Variants in PRCD observed in about 807,000 individuals in gnomAD.
PRCD encodes photoreceptor disk component PRCD.
Under a neutral mutation model 10.1 loss-of-function variants are expected in PRCD, and 12 were observed. That is an observed-to-expected ratio of 1.18 (90% CI 0.76 to 1.92). The LOEUF is 1.92. Among genes scored for constraint, PRCD ranks in the 40% most tolerant of loss-of-function variants. The pLI is 0.00. For synonymous variants in PRCD, 31 were observed against 26.2 expected (o/e 1.18, Z -0.56); for missense variants, 61 against 72.2 (o/e 0.84, Z 0.56).
chr17:76,537,331 A>AGCCCTCCTCTGCCCGGAGCCGCTGCC, upstream of PRCD: 1 of 1,461,744 alleles, frequency 6.8e-7, no homozygotes. Flanking sequence ...ACCCGGGCCC[A>AGCCCTCCTCTGCCCGGAGCCGCTGCC]GCCCTCCTCT....
At chr17:76,529,271 G>A (rs891231934) in intron 1 of PRCD, 3 of 985,316 alleles carry the variant, frequency 3.0e-6, no homozygotes, top group African/African-American at 3.5e-5. Flanking sequence ...GCTAGAGGGT[G>A]TAAAGGGATG....
At position 76,528,692 on chromosome 17, in the gene PRCD, G is replaced by C. The variant is rs755703427; in HGVS notation, n.45+859G>C. ...TCGGGGGAAAGGGGGAGGACCTGGG[G>C]CTGGCGAGGCTCACTTCCTGCCAAG... On this transcript the variant is annotated intron_variant and non_coding_transcript_variant, in intron 1 of 4. Transcript: ENST00000397633. This position sits in a 1 kb window ranked among gnomAD's most constrained non-coding sequence, Gnocchi z 5.8. 124 of 1,200,372 alleles carry C rather than the reference G, an allele frequency of 1.0e-4. No individual in the cohort carries two copies. Among genetic ancestry groups the C allele is most frequent in the Non-Finnish European group, 1.3e-4 (121 of 944,132 alleles). 74.4% of individuals were successfully genotyped at this position (1,200,372 alleles called of 1,614,324 possible).
intron 1 of PRCD, chr17:76,529,781 A>G: frequency 1.0e-6 from 1 of 985,272 alleles, no homozygotes; most frequent in African/African-American, 1.7e-5. Flanking sequence ...TGGTGGGCCA[A>G]CATCTGCTTG....
intron 1 of PRCD, chr17:76,529,269 G>A: frequency 1.0e-6 from 1 of 985,442 alleles, no homozygotes; most frequent in South Asian, 4.7e-5. Flanking sequence ...GGGCTAGAGG[G>A]TGTAAAGGGA....
Position 76,540,254 on chromosome 17 carries a change from GGGGGGGGGGCATGGGGC to G in PRCD, c.74+40_74+56del. 1.1e-6 allele frequency: 1 copy of G among 887,860 alleles called. No individual in the cohort carries two copies. The highest frequency in any genetic ancestry group is 1.7e-6 in the Non-Finnish European group (1 of 589,568). The allele number at this position is 887,860 out of a possible 1,614,324, so 55.0% of individuals were successfully genotyped here. On this transcript the variant is annotated intron_variant, in intron 1 of 4. Coordinates refer to ENST00000592014, the MANE Select transcript of PRCD (RefSeq NM_001077620.3). This position sits in a 1 kb window ranked among gnomAD's most constrained non-coding sequence, Gnocchi z 5.0. ...CGGGCTATGGCTGGCGGTTGGTCGG[GGGGGGGGGGCATGGGGC>G]TGGGCTGCCACCAAGCTGAAGGTGG...
chr17:76,537,190 T>C (rs1323318053), upstream of PRCD, among the ~76,000 whole-genome samples: 1 of 152,206 alleles, frequency 6.6e-6, no homozygotes, highest in Non-Finnish European at 1.5e-5. Context: ...TCCTAGATCC[T>C]GGTGAACACC....
In PRCD at chr17:76,540,068, G is replaced by C; in HGVS notation, c.-74G>C. ...CAGACGGCAGTGGCTCCTGAGAGCT[G>C]GCTGGGGCCATTTTGGCCCCTCGCC... On this transcript the variant is annotated 5_prime_UTR_variant, in exon 1 of 5. Coordinates refer to ENST00000592014, the MANE Select transcript of PRCD (RefSeq NM_001077620.3). This position sits in a 1 kb window ranked among gnomAD's most constrained non-coding sequence, Gnocchi z 5.0. 6.7e-7 allele frequency: 1 copy of C among 1,488,124 alleles called. No individual in the cohort carries two copies. The highest frequency in any genetic ancestry group is 2.4e-5 in the East Asian group (1 of 41,252). 92.2% of individuals were successfully genotyped at this position (1,488,124 alleles called of 1,614,324 possible).
downstream of PRCD, among the ~76,000 whole-genome samples, chr17:76,548,543 C>T (rs926407339): frequency 2.6e-5 from 4 of 152,242 alleles, no homozygotes; most frequent in African/African-American, 9.6e-5. Context: ...CCCTGCCTGT[C>T]CCTGTGACCT....
chr17:76,540,911 T>G lies in PRCD; in HGVS notation c.143+338T>G, dbSNP rs1482665930. Among the ~76,000 whole-genome samples, 3 of 152,168 alleles carry G rather than the reference T, an allele frequency of 2.0e-5. No individual in the cohort carries two copies. Among genetic ancestry groups the G allele is most frequent in the African/African-American group, 7.2e-5 (3 of 41,438 alleles). On this transcript the variant is annotated intron_variant, in intron 2 of 4. Coordinates refer to ENST00000592014, the MANE Select transcript of PRCD (RefSeq NM_001077620.3). The surrounding 1 kb of genome is among the most constrained non-coding windows in gnomAD (Gnocchi z 5.0). ...TAGCTCTGTGTGGCTTTGCTCGCCTTTCCTTGCCCTTCCCCCTCCTCCTCC... is the reference window on the plus strand; with the variant it reads ...TAGCTCTGTGTGGCTTTGCTCGCCTGTCCTTGCCCTTCCCCCTCCTCCTCC...
chr17:76,537,638 T>C (rs1198710969), upstream of PRCD: 1 of 963,074 alleles, frequency 1.0e-6, no homozygotes, highest in Non-Finnish European at 1.2e-6. Context: ...GCCGGCTGCG[T>C]GCGCGGCGGG....
upstream of PRCD, chr17:76,537,547 A>G: frequency 2.0e-6 from 3 of 1,515,712 alleles, no homozygotes; most frequent in Non-Finnish European, 2.7e-6. Context: ...CTCCATGAGC[A>G]GCTCCAAGCC....
chr17:76,534,533 G>A (rs2143105907), intron 1 of PRCD, among the ~76,000 whole-genome samples: 1 of 152,306 alleles, frequency 6.6e-6, no homozygotes, highest in African/African-American at 2.4e-5. Flanking sequence ...TTTTACTGAT[G>A]AGGAAACAAC....
intron 3 of PRCD, 34 bp downstream of exon 3, chr17:76,542,667 G>C: frequency 7.1e-7 from 1 of 1,403,380 alleles, no homozygotes; most frequent in Non-Finnish European, 1.0e-6. Context: ...GAGGGCAGAG[G>C]GCAAGGCTTG....
Position 76,529,583 on chromosome 17 carries a change from G to A in PRCD, n.45+1750G>A, listed in dbSNP as rs1030659073. 3.0e-6 allele frequency: 3 copies of A among 985,286 alleles called. No homozygotes were observed. In the African/African-American group the frequency reaches 5.2e-5, roughly 17 times the overall value. 61.0% of individuals were successfully genotyped at this position (985,286 alleles called of 1,614,324 possible). A position where few individuals can be genotyped will look rare whatever the true frequency, so the allele number is the denominator to read the frequency against. The stretch of plus-strand genomic sequence containing the variant: ...AAAAAGCCCTTTTCTCTGGAAGCAG[G>A]AAGTCTTGTGTCCTGGCTGTAAACA... On this transcript the variant is annotated intron_variant and non_coding_transcript_variant, in intron 1 of 4. Coordinates refer to the PRCD transcript ENST00000397633.
Position 76,533,396 on chromosome 17 carries a change from A to C in PRCD, n.45+5563A>C, listed in dbSNP as rs1421985573. ...AAACCCAATTTGGACTTAAACAAGCATCTCAGACTTTGGAGGTTTTACAAT... is the reference window on the plus strand; with the variant it reads ...AAACCCAATTTGGACTTAAACAAGCCTCTCAGACTTTGGAGGTTTTACAAT... On this transcript the variant is annotated intron_variant and non_coding_transcript_variant, in intron 1 of 4. Transcript: ENST00000397633. The surrounding 1 kb of genome is among the most constrained non-coding windows in gnomAD (Gnocchi z 4.5). Among the ~76,000 whole-genome samples, 1 of 152,234 alleles carries C rather than the reference A, an allele frequency of 6.6e-6. No individual in the cohort carries two copies.
downstream of PRCD, chr17:76,547,315 G>C (rs1000577548): frequency 2.6e-5 from 4 of 152,354 alleles, no homozygotes; most frequent in Non-Finnish European, 5.9e-5. Context: ...GCCAGGGGCA[G>C]GGCCCTGGGG....
chr17:76,536,195 C>T (rs1040954322), upstream of PRCD, among the ~76,000 whole-genome samples: 5 of 152,212 alleles, frequency 3.3e-5, no homozygotes, highest in Admixed American at 6.5e-5. Context: ...GCTCCTCTAA[C>T]TCCTTAGAAG....
downstream of PRCD, among the ~76,000 whole-genome samples, chr17:76,548,923 G>C (rs2075081593): frequency 6.6e-6 from 1 of 152,172 alleles, no homozygotes; most frequent in Admixed American, 6.5e-5. Flanking sequence ...CTGTGCCTTG[G>C]GGAGGGGAAA....
chr17:76,541,955 TG>T (rs1014491078), intron 2 of PRCD, among the ~76,000 whole-genome samples: 2 of 152,236 alleles, frequency 1.3e-5, no homozygotes, highest in Admixed American at 1.3e-4. Flanking sequence ...TCTTGTTTCA[TG>T]CTCGGGACCT....
Sources: gnomAD v4.1 joint callset for allele counts (sites outside exome capture counted in the v4.1 genomes callset) on GRCh38, gnomAD v4.1.1 for gene constraint, Gnocchi (gnomAD v3.1) non-coding constraint, MANE v1.5 for transcripts, NCBI Gene and HGNC (gene_info 2026-07-23, HGNC 2026-07-21) for gene names.